The following PRKCQ variants were observed in gnomAD, a reference collection of about 807,000 sequenced individuals.
The protein encoded by PRKCQ is protein kinase C theta, also known as protein kinase C theta type.
A neutral mutation model predicts 91.2 loss-of-function variants in PRKCQ; 41 were observed. The observed-to-expected ratio is 0.45, with a 90% CI of 0.35 to 0.58. The LOEUF is 0.58. Among genes scored for constraint, PRKCQ ranks in the 20% least tolerant of loss-of-function variants. The probability of loss-of-function intolerance (pLI) is 0.00; values close to 1 mark genes in which losing one functional copy is unlikely to be tolerated. For synonymous variants in PRKCQ, 307 were observed against 316.9 expected (o/e 0.97, Z 0.33); for missense variants, 673 against 896.5 (o/e 0.75, Z 3.18).
At chr10:6,480,201 G>A (rs1284588570) in intron 11 of PRKCQ, among the ~76,000 whole-genome samples, 1 of 152,100 alleles carries the variant, frequency 6.6e-6, no homozygotes, top group Non-Finnish European at 1.5e-5. Flanking sequence ...GACCTACTGT[G>A]TGTCATACAC....
chr10:6,557,564 T>C (rs2130948001), intron 1 of PRKCQ, among the ~76,000 whole-genome samples: 1 of 152,004 alleles, frequency 6.6e-6, no homozygotes, highest in Admixed American at 6.6e-5. Context: ...TTCCTCCCCC[T>C]TTTTTTTAAA....
the PRKCQ span, among the ~76,000 whole-genome samples, chr10:6,410,688 A>G: frequency 6.6e-6 from 1 of 152,186 alleles, no homozygotes; most frequent in Non-Finnish European, 1.5e-5. Context: ...CCCAGCAAAG[A>G]ATAGTCTTGT....
rs74112663 is a variant in PRKCQ, at chr10:6,496,872, C to T, written c.660+163G>A. ...AATTCATCCTCTGGTTTGGGTAATTCAGTAAGAATCATTATTGAAGAGGAA... is the reference window on the plus strand; with the variant it reads ...AATTCATCCTCTGGTTTGGGTAATTTAGTAAGAATCATTATTGAAGAGGAA... On this transcript the variant is annotated intron_variant, in intron 7 of 17. Coordinates refer to ENST00000263125, the MANE Select transcript of PRKCQ (RefSeq NM_006257.5). Among the ~76,000 whole-genome samples the T allele has an allele frequency of 5.0e-3, 757 of 152,100 alleles. 1 individual carries two copies. The highest frequency in any genetic ancestry group is 0.018 in the African/African-American group (731 of 41,496).
intron 1 of PRKCQ, among the ~76,000 whole-genome samples, chr10:6,539,984 G>A (rs1046702036): frequency 6.6e-6 from 1 of 152,200 alleles, no homozygotes; most frequent in South Asian, 2.1e-4. Context: ...TGGAATTCAT[G>A]TAATGCCTCT....
chr10:6,475,228 C>T (rs1836209240), intron 12 of PRKCQ, among the ~76,000 whole-genome samples: 1 of 152,152 alleles, frequency 6.6e-6, no homozygotes, highest in African/African-American at 2.4e-5. Context: ...CCAGACGGTG[C>T]CGTCCCATTA....
At chr10:6,493,863 C>G (rs632797) in intron 7 of PRKCQ, among the ~76,000 whole-genome samples, 150,428 of 152,274 alleles carry the variant, frequency 0.99, 74,330 homozygotes, top group East Asian at 1. Context: ...TCTCCTTCTG[C>G]TTCTAAATGT....
At chr10:6,506,231 A>G (rs1203172837) in intron 4 of PRKCQ, among the ~76,000 whole-genome samples, 1 of 152,206 alleles carries the variant, frequency 6.6e-6, no homozygotes, top group Non-Finnish European at 1.5e-5. Context: ...AAAAAATTTT[A>G]TTATGGAAAA....
chr10:6,440,611 C>A (rs911188056), intron 16 of PRKCQ, among the ~76,000 whole-genome samples: 1 of 152,206 alleles, frequency 6.6e-6, no homozygotes, highest in African/African-American at 2.4e-5. Flanking sequence ...CATGACAACA[C>A]TGTCTCCTCC....
chr10:6,404,256 G>GAGAGAGAGAGAC, the PRKCQ span, among the ~76,000 whole-genome samples: 1 of 11,516 alleles, frequency 8.7e-5, no homozygotes, highest in African/African-American at 1.3e-4. Flanking sequence ...AAGGGGGGGG[G>GAGAGAGAGAGAC]AGAGAGAGAG....
intron 1 of PRKCQ, among the ~76,000 whole-genome samples, chr10:6,530,218 C>T (rs1334488525): frequency 6.6e-6 from 1 of 152,156 alleles, no homozygotes; most frequent in Non-Finnish European, 1.5e-5. Context: ...CTTTCTTAAC[C>T]TTTGATCCCA....
intron 4 of PRKCQ, among the ~76,000 whole-genome samples, chr10:6,500,468 T>C (rs1837844884): frequency 6.6e-6 from 1 of 151,272 alleles, no homozygotes; most frequent in Non-Finnish European, 1.5e-5. Flanking sequence ...TTATAAACTA[T>C]AAATATATAG....
chr10:6,395,126 T>C, the PRKCQ span, among the ~76,000 whole-genome samples: 245 of 145,466 alleles, frequency 1.7e-3, 2 homozygotes, highest in Middle Eastern at 7.2e-3. Flanking sequence ...GCAGTGGCTG[T>C]GATCTCGGCT....
chr10:6,406,098 T>C, the PRKCQ span, among the ~76,000 whole-genome samples: 3 of 152,216 alleles, frequency 2.0e-5, no homozygotes, highest in Non-Finnish European at 4.4e-5. Context: ...AGCATTATGA[T>C]AATAATGCCC....
At chr10:6,414,559 C>T in the PRKCQ span, among the ~76,000 whole-genome samples, 2 of 152,038 alleles carry the variant, frequency 1.3e-5, no homozygotes, top group Non-Finnish European at 2.9e-5. Flanking sequence ...TAACTGCATT[C>T]CATACATTCA....
At chr10:6,404,258 GAGAGAGAGA>G in the PRKCQ span, among the ~76,000 whole-genome samples, 3 of 118,660 alleles carry the variant, frequency 2.5e-5, no homozygotes, top group Non-Finnish European at 5.0e-5. Flanking sequence ...GGGGGGGGGA[GAGAGAGAGA>G]GAGAGAGAGA....
intron 2 of PRKCQ, among the ~76,000 whole-genome samples, chr10:6,512,004 C>T (rs1838499115): frequency 6.6e-6 from 1 of 152,156 alleles, no homozygotes; most frequent in African/African-American, 2.4e-5. Context: ...TGAGATTCTC[C>T]TTTATTAATC....
chr10:6,465,953 G>C lies in PRKCQ; in HGVS notation c.1354-1549C>G, dbSNP rs1403845822. On this transcript the variant is annotated intron_variant, in intron 12 of 17. Coordinates refer to ENST00000263125, the MANE Select transcript of PRKCQ (RefSeq NM_006257.5). The surrounding 1 kb of genome is among the most constrained non-coding windows in gnomAD (Gnocchi z 4.4). Reference sequence around the variant, plus strand: ...AAACCCAATTTGAGAGTCGTCATTGGCTTTGCCTGCACACACCTGCTTTCT... The same window carrying C: ...AAACCCAATTTGAGAGTCGTCATTGCCTTTGCCTGCACACACCTGCTTTCT... 6.6e-6 allele frequency among the ~76,000 whole-genome samples: 1 copy of C among 152,140 alleles called. No individual in the cohort carries two copies.
At chr10:6,495,289 AC>A (rs1401266177) in intron 7 of PRKCQ, among the ~76,000 whole-genome samples, 3 of 152,172 alleles carry the variant, frequency 2.0e-5, no homozygotes, top group Non-Finnish European at 4.4e-5. Flanking sequence ...ACCCCGCATG[AC>A]CCAGGCCTTG....
intron 15 of PRKCQ, among the ~76,000 whole-genome samples, chr10:6,442,532 A>T (rs1834027450): frequency 6.6e-6 from 1 of 152,196 alleles, no homozygotes. Flanking sequence ...AGGCATCCAA[A>T]GAGGTCATCT....
Sources: allele counts gnomAD v4.1 joint callset (sites outside exome capture counted in the v4.1 genomes callset), GRCh38; gene constraint gnomAD v4.1.1; non-coding constraint Gnocchi (gnomAD v3.1); transcripts MANE v1.5; gene names NCBI Gene and HGNC (gene_info 2026-07-23, HGNC 2026-07-21).